Variants in PBX3 observed in about 807,000 individuals in gnomAD.
PBX3 encodes pre-B-cell leukemia transcription factor 3.
PBX3 carries 14 observed loss-of-function variants against 48.5 expected under a neutral mutation model. That is an observed-to-expected ratio of 0.29 (90% CI 0.19 to 0.45). The LOEUF (loss-of-function observed/expected upper bound fraction) is 0.45. PBX3 is among the 20% of genes least tolerant of loss of function. The pLI is 1.00. For synonymous variants in PBX3, 210 were observed against 200.3 expected, an observed-to-expected ratio of 1.05 and a Z score of -0.41; for missense variants, 386 against 546.7, an observed-to-expected ratio of 0.71 and a Z score of 2.93.
intron 3 of PBX3, among the ~76,000 whole-genome samples, chr9:125,926,774 C>T (rs1335636414): frequency 1.3e-5 from 2 of 152,154 alleles, no homozygotes; most frequent in Non-Finnish European, 2.9e-5. Flanking sequence ...GAGCCAAGAT[C>T]GTGCCATTGC....
At chr9:125,782,037 A>T (rs1837335054) in intron 2 of PBX3, among the ~76,000 whole-genome samples, 3 of 151,834 alleles carry the variant, frequency 2.0e-5, no homozygotes, top group Admixed American at 1.3e-4. Flanking sequence ...TATTATGGGG[A>T]TTACAATTAA....
rs1836595415 is a variant in PBX3, at chr9:125,759,080, G to T, written c.274+10457G>T. ...ACTCAACTTAGGCAGAGAAAGTAGT[G>T]GAAATGGTTGATTCAAAGATGGCAA... On this transcript the variant is annotated intron_variant, in intron 2 of 8. Transcript: ENST00000373489. This position sits in a 1 kb window ranked among gnomAD's most constrained non-coding sequence, Gnocchi z 4.2. Among the ~76,000 whole-genome samples the T allele has an allele frequency of 6.6e-6, 1 of 152,090 alleles. No homozygotes were observed. Among genetic ancestry groups the T allele is most frequent in the Admixed American group, 6.6e-5 (1 of 15,252 alleles).
intron 2 of PBX3, among the ~76,000 whole-genome samples, chr9:125,863,208 A>G (rs1230406199): frequency 7.0e-6 from 1 of 142,638 alleles, no homozygotes; most frequent in East Asian, 2.1e-4. Flanking sequence ...GACACATGAC[A>G]TGATTTTTTT....
At chr9:125,888,176 A>G (rs1201385632) in intron 2 of PBX3, among the ~76,000 whole-genome samples, 1 of 152,122 alleles carries the variant, frequency 6.6e-6, no homozygotes, top group African/African-American at 2.4e-5. Flanking sequence ...TTAAGAGATT[A>G]AAAATGACTT....
intron 2 of PBX3, among the ~76,000 whole-genome samples, chr9:125,769,313 A>G (rs1836882613): frequency 6.6e-6 from 1 of 152,240 alleles, no homozygotes; most frequent in Non-Finnish European, 1.5e-5. Flanking sequence ...GAAAAAGACC[A>G]ATATCTTATT....
rs191182190 is a variant in PBX3, at chr9:125,931,923, G to A, written c.707+2078G>A. Among the ~76,000 whole-genome samples the A allele has an allele frequency of 8.9e-4, 135 of 152,178 alleles. 5 individuals are homozygous for A. The highest frequency in any genetic ancestry group is 8.8e-3 in the Admixed American group (134 of 15,292). Reference sequence around the variant, plus strand: ...TTGATTGAACCTTTTTGGTCTTTAGGATTATTTCCTAAGGATCAATTCTTA... The same window carrying A: ...TTGATTGAACCTTTTTGGTCTTTAGAATTATTTCCTAAGGATCAATTCTTA... On this transcript the variant is annotated intron_variant, in intron 4 of 8. Transcript: ENST00000373489.
At chr9:125,832,219 G>A (rs950859854) in intron 2 of PBX3, among the ~76,000 whole-genome samples, 7 of 146,722 alleles carry the variant, frequency 4.8e-5, no homozygotes, top group Non-Finnish European at 4.5e-5. Flanking sequence ...TTTTTGAGAC[G>A]GAGTCTCGCT....
chr9:125,896,344 A>G (rs1408230003), intron 2 of PBX3, among the ~76,000 whole-genome samples: 1 of 152,076 alleles, frequency 6.6e-6, no homozygotes, highest in African/African-American at 2.4e-5. Flanking sequence ...ACATTTCAAA[A>G]AAACTGCCAT....
At chr9:125,793,363 A>G (rs1030289290) in intron 2 of PBX3, among the ~76,000 whole-genome samples, 2 of 91,678 alleles carry the variant, frequency 2.2e-5, no homozygotes, top group Admixed American at 1.3e-4. Context: ...GGGGGAAAAA[A>G]AAAATATATA....
chr9:125,868,728 C>G (rs781578472), intron 2 of PBX3, among the ~76,000 whole-genome samples: 1 of 152,136 alleles, frequency 6.6e-6, no homozygotes, highest in African/African-American at 2.4e-5. Context: ...CAGACCTTAG[C>G]GATACCCTAC....
At chr9:125,790,952 T>C (rs552007986) in intron 2 of PBX3, among the ~76,000 whole-genome samples, 1 of 151,824 alleles carries the variant, frequency 6.6e-6, no homozygotes, top group South Asian at 2.1e-4. Flanking sequence ...CTTGCTCTGT[T>C]GCCCAGGCTG....
intron 5 of PBX3, among the ~76,000 whole-genome samples, 187 bp from the exon 6 acceptor site, chr9:125,960,496 GA>G (rs1842404924): frequency 6.6e-6 from 1 of 152,186 alleles, no homozygotes. Flanking sequence ...TATTCCAAAA[GA>G]ATGTGAGAGT....
At chr9:125,784,113 T>G (rs960599151) in intron 2 of PBX3, among the ~76,000 whole-genome samples, 7 of 152,216 alleles carry the variant, frequency 4.6e-5, no homozygotes, top group Non-Finnish European at 8.8e-5. Flanking sequence ...TTTTGTTTCT[T>G]GATGGGTTTC....
intron 2 of PBX3, among the ~76,000 whole-genome samples, chr9:125,793,357 G>GGAAAAAA (rs1443557451): frequency 9.2e-6 from 1 of 109,042 alleles, no homozygotes; most frequent in African/African-American, 3.9e-5. Flanking sequence ...ATTTGGGGGG[G>GGAAAAAA]AAAAAAAAAA....
chr9:125,793,650 G>C (rs1410075023), intron 2 of PBX3, among the ~76,000 whole-genome samples: 1 of 151,694 alleles, frequency 6.6e-6, no homozygotes, highest in Non-Finnish European at 1.5e-5. Context: ...GACTGGTCTT[G>C]AATTCCTGAC....
At chr9:125,900,436 C>T (rs1323740948) in intron 2 of PBX3, among the ~76,000 whole-genome samples, 2 of 151,580 alleles carry the variant, frequency 1.3e-5, no homozygotes, top group African/African-American at 4.8e-5. Context: ...TAGTGAATTA[C>T]CTTTAAGATC....
At chr9:125,934,570 G>A (rs559654905) in intron 4 of PBX3, among the ~76,000 whole-genome samples, 10 of 152,260 alleles carry the variant, frequency 6.6e-5, no homozygotes, top group African/African-American at 2.4e-4. Context: ...TCTTTTGAAA[G>A]TCTGTTACCC....
chr9:125,813,991 C>A (rs1291354348), intron 2 of PBX3, among the ~76,000 whole-genome samples: 3 of 28,934 alleles, frequency 1.0e-4, no homozygotes, highest in Non-Finnish European at 2.2e-4. Context: ...ATGGTGAAAC[C>A]CTGTATCTAT....
intron 2 of PBX3, among the ~76,000 whole-genome samples, chr9:125,892,631 T>C (rs1022201426): frequency 1.3e-5 from 2 of 152,214 alleles, no homozygotes; most frequent in African/African-American, 4.8e-5. Context: ...ATGTATTCTT[T>C]CCTTTTGGTA....
Sources: allele counts gnomAD v4.1 joint callset (sites outside exome capture counted in the v4.1 genomes callset), GRCh38; gene constraint gnomAD v4.1.1; non-coding constraint Gnocchi (gnomAD v3.1); transcripts MANE v1.5; gene names NCBI Gene and HGNC (gene_info 2026-07-23, HGNC 2026-07-21).